The following RAB11FIP3 variants were observed in gnomAD, a reference collection of about 807,000 sequenced individuals.
RAB11FIP3 encodes the protein rab11 family-interacting protein 3.
In RAB11FIP3, 17 loss-of-function variants were observed where a neutral mutation model predicts 77.8. That is an observed-to-expected ratio of 0.22 (90% CI 0.15 to 0.33). The LOEUF (loss-of-function observed/expected upper bound fraction) is 0.33, where lower values mean the gene tolerates loss of function less well. Among genes scored for constraint, RAB11FIP3 ranks in the 10% least tolerant of loss-of-function variants. RAB11FIP3 has a pLI of 1.00. For missense variants in RAB11FIP3, 1,005 were observed against 1,011.2 expected (o/e 0.99, Z 0.08); for synonymous variants, 437 against 448.2 (o/e 0.98, Z 0.31).
chr16:448,762 A>G (rs1226196060), intron 1 of RAB11FIP3, among the ~76,000 whole-genome samples: 1 of 149,166 alleles, frequency 6.7e-6, no homozygotes, highest in East Asian at 2.0e-4. Context: ...AAAAAAATAC[A>G]AAATTAGCCG....
intron 1 of RAB11FIP3, among the ~76,000 whole-genome samples, chr16:430,809 A>G (rs2055023097): frequency 6.6e-6 from 1 of 152,238 alleles, no homozygotes; most frequent in South Asian, 2.1e-4. Context: ...AGGTCAGGAG[A>G]CGGTGAAACC....
intron 1 of RAB11FIP3, among the ~76,000 whole-genome samples, chr16:437,311 G>A (rs2055146295): frequency 6.6e-6 from 1 of 151,794 alleles, no homozygotes; most frequent in African/African-American, 2.4e-5. Context: ...GCTCATGCCT[G>A]TAATCCTAGC....
intron 5 of RAB11FIP3, chr16:491,240 G>A: frequency 7.7e-7 from 1 of 1,304,826 alleles, no homozygotes; most frequent in Non-Finnish European, 1.0e-6. Context: ...GGATCTTTCT[G>A]CCCGCCTGAG....
rs1301450606 is a variant in RAB11FIP3, at chr16:507,695, T to C, written c.1499+2068T>C. ...TGCAGCCCCGGCCACATTCAGTTCCTGTGGCTGTTCCCTGTGGTGCTCACC... is the reference window on the plus strand; with the variant it reads ...TGCAGCCCCGGCCACATTCAGTTCCCGTGGCTGTTCCCTGTGGTGCTCACC... On this transcript the variant is annotated intron_variant, in intron 8 of 13. Transcript: ENST00000262305. The surrounding 1 kb of genome is among the most constrained non-coding windows in gnomAD (Gnocchi z 4.6). Among the ~76,000 whole-genome samples the C allele has an allele frequency of 1.3e-5, 2 of 152,282 alleles. No individual in the cohort carries two copies. Among genetic ancestry groups the C allele is most frequent in the Admixed American group, 1.3e-4 (2 of 15,288 alleles).
chr16:519,072 C>T lies in RAB11FIP3; in HGVS notation c.1722+48C>T, dbSNP rs763898000. 50 of 1,583,248 alleles carry T rather than the reference C, an allele frequency of 3.2e-5. No homozygotes were observed. The South Asian group carries it at 5.5e-4, about 18-fold the overall frequency. On this transcript the variant is annotated intron_variant, in intron 10 of 13. Coordinates refer to ENST00000262305, the MANE Select transcript of RAB11FIP3 (RefSeq NM_014700.4). ...CTGTGGCCAGTGGGGCCAGCCCATG[C>T]CCTGCCTGTGGGGCAGCTGAGGTAG... is the stretch of plus-strand genomic sequence containing the variant.
In RAB11FIP3 at chr16:521,231, CT is replaced by C. The variant is rs1283267268; in HGVS notation, c.*393del. ...GGTGTGGGGTGAGCCCTGCTGTGGC[CT>C]CCTTGTGGTGGTCCCTCTTCCCACG... On this transcript the variant is annotated 3_prime_UTR_variant, in exon 14 of 14. Coordinates refer to ENST00000262305, the MANE Select transcript of RAB11FIP3 (RefSeq NM_014700.4). 2 of 232,288 alleles carry C rather than the reference CT, an allele frequency of 8.6e-6. No homozygotes were observed. Among genetic ancestry groups the C allele is most frequent in the Non-Finnish European group, 1.7e-5 (2 of 116,808 alleles). The allele number at this position is 232,288 out of a possible 1,614,324, so 14.4% of individuals were successfully genotyped here. A position where few individuals can be genotyped will look rare whatever the true frequency, so the allele number is the denominator to read the frequency against.
intron 1 of RAB11FIP3, among the ~76,000 whole-genome samples, chr16:446,111 C>T (rs2055312654): frequency 6.6e-6 from 1 of 151,962 alleles, no homozygotes; most frequent in South Asian, 2.1e-4. Context: ...GGGTGCTGGG[C>T]ATGGGGGTGC....
rs147824247 is a variant in RAB11FIP3, at chr16:506,648, T to G, written c.1499+1021T>G. Among the ~76,000 whole-genome samples, 119 of 152,298 alleles carry G rather than the reference T, an allele frequency of 7.8e-4. 2 individuals carry two copies. Among genetic ancestry groups the G allele is most frequent in the African/African-American group, 2.6e-3 (108 of 41,570 alleles). The stretch of plus-strand genomic sequence containing the variant: ...AGCCCTCACCCTCACGGTACTAACA[T>G]TTGTGACCATCTGCCCTGTGAGCGC... On this transcript the variant is annotated intron_variant, in intron 8 of 13. Transcript: ENST00000262305. This position sits in a 1 kb window ranked among gnomAD's most constrained non-coding sequence, Gnocchi z 4.5.
rs531004323 is a variant in RAB11FIP3, at chr16:499,172, A to G, written c.1301+2313A>G. 1.0e-3 allele frequency among the ~76,000 whole-genome samples: 157 copies of G among 152,284 alleles called. 1 individual carries two copies. Among genetic ancestry groups the G allele is most frequent in the African/African-American group, 3.6e-3 (151 of 41,562 alleles). On this transcript the variant is annotated intron_variant, in intron 6 of 13. Transcript: ENST00000262305. Reference sequence around the variant, plus strand: ...GCTTGGAGTGAGCCGAGATTGTGCCATTGTACTCCAGCCTGGGCAACAAGA... The same window carrying G: ...GCTTGGAGTGAGCCGAGATTGTGCCGTTGTACTCCAGCCTGGGCAACAAGA...
intron 1 of RAB11FIP3, among the ~76,000 whole-genome samples, chr16:429,997 C>A (rs1424790974): frequency 6.6e-6 from 1 of 152,082 alleles, no homozygotes; most frequent in Non-Finnish European, 1.5e-5. Flanking sequence ...CTAATTACGT[C>A]ATCTGGTGAT....
At chr16:453,285 AG>A (rs2055439558) in intron 1 of RAB11FIP3, 1 of 152,068 alleles carries the variant, frequency 6.6e-6, no homozygotes, top group South Asian at 2.1e-4. Flanking sequence ...CGTGTTAGCC[AG>A]GATGGTCTCA....
chr16:479,164 G>C (rs2055982197), intron 3 of RAB11FIP3, among the ~76,000 whole-genome samples: 1 of 152,162 alleles, frequency 6.6e-6, no homozygotes, highest in African/African-American at 2.4e-5. Flanking sequence ...GGCTAAGGCA[G>C]GCAGATCACT....
chr16:477,815 C>T lies in RAB11FIP3; in HGVS notation c.904-4710C>T, dbSNP rs1435699053. ...CAGAGTAGGTACACTTCACAGCACTCCCTGTTCCCTTGTGGCTTTAGAAGC... is the reference window on the plus strand; with the variant it reads ...CAGAGTAGGTACACTTCACAGCACTTCCTGTTCCCTTGTGGCTTTAGAAGC... On this transcript the variant is annotated intron_variant, in intron 3 of 13. Transcript: ENST00000262305. 3.9e-5 allele frequency among the ~76,000 whole-genome samples: 6 copies of T among 152,212 alleles called. No individual in the cohort carries two copies. The East Asian group carries it at 1.2e-3, about 29-fold the overall frequency.
intron 9 of RAB11FIP3, among the ~76,000 whole-genome samples, chr16:517,160 C>T (rs550954876): frequency 1.3e-5 from 2 of 152,336 alleles, no homozygotes; most frequent in Admixed American, 6.5e-5. Context: ...AAACACCAGA[C>T]GGACCCAACG....
chr16:466,822 A>T (rs1249049335), intron 2 of RAB11FIP3, among the ~76,000 whole-genome samples: 1 of 152,152 alleles, frequency 6.6e-6, no homozygotes, highest in Non-Finnish European at 1.5e-5. Flanking sequence ...CCTTCCCAGC[A>T]GCTGACAGAT....
rs965497643 is a variant in RAB11FIP3, at chr16:514,169, T to C, written c.1640+3369T>C. Among the ~76,000 whole-genome samples, 1 of 152,210 alleles carries C rather than the reference T, an allele frequency of 6.6e-6. No homozygotes were observed. Among genetic ancestry groups the C allele is most frequent in the Non-Finnish European group, 1.5e-5 (1 of 68,020 alleles). ...CAGTGCCACCGTGTTCTGGGCCTCCTGCAGCTTCCTGGAGTGGCCACCAGG... is the reference window on the plus strand; with the variant it reads ...CAGTGCCACCGTGTTCTGGGCCTCCCGCAGCTTCCTGGAGTGGCCACCAGG... On this transcript the variant is annotated intron_variant, in intron 9 of 13. Coordinates refer to ENST00000262305, the MANE Select transcript of RAB11FIP3 (RefSeq NM_014700.4). This position sits in a 1 kb window ranked among gnomAD's most constrained non-coding sequence, Gnocchi z 4.6.
intron 1 of RAB11FIP3, among the ~76,000 whole-genome samples, chr16:431,099 TGTGAGCTG>T (rs1017052975): frequency 1.8e-4 from 28 of 152,140 alleles, no homozygotes; most frequent in African/African-American, 6.0e-4. Flanking sequence ...CAGTTACATA[TGTGAGCTG>T]GTGTGTGTGT....
Position 471,539 on chromosome 16 carries a change from T to C in RAB11FIP3, c.903+150T>C. The stretch of plus-strand genomic sequence containing the variant: ...CCGCCCTGTGTGCACCGTGGGGCTC[T>C]GTGGCTGTGACGGGAGGCCCACAGT... On this transcript the variant is annotated intron_variant, in intron 3 of 13. Coordinates refer to ENST00000262305, the MANE Select transcript of RAB11FIP3 (RefSeq NM_014700.4). The surrounding 1 kb of genome is among the most constrained non-coding windows in gnomAD (Gnocchi z 4.4). 1.5e-6 allele frequency: 1 copy of C among 689,382 alleles called. No individual in the cohort carries two copies. Among genetic ancestry groups the C allele is most frequent in the Non-Finnish European group, 2.5e-6 (1 of 398,330 alleles). 42.7% of individuals were successfully genotyped at this position (689,382 alleles called of 1,614,324 possible). A position where few individuals can be genotyped will look rare whatever the true frequency, so the allele number is the denominator to read the frequency against.
chr16:460,844 G>T (rs1212598570), intron 1 of RAB11FIP3, among the ~76,000 whole-genome samples: 1 of 150,618 alleles, frequency 6.6e-6, no homozygotes, highest in East Asian at 1.9e-4. Context: ...GCCAGGTGCT[G>T]CTGGCAGCCC....
Sources: gnomAD v4.1 joint callset for allele counts (sites outside exome capture counted in the v4.1 genomes callset) on GRCh38, gnomAD v4.1.1 for gene constraint, Gnocchi (gnomAD v3.1) non-coding constraint, MANE v1.5 for transcripts, NCBI Gene and HGNC (gene_info 2026-07-23, HGNC 2026-07-21) for gene names.